CACNA2D1: variants seen among roughly 807,000 people sequenced by gnomAD.
CACNA2D1 encodes calcium voltage-gated channel auxiliary subunit alpha2delta 1.
In CACNA2D1, 53 loss-of-function variants were observed where a neutral mutation model predicts 171.5. That is an observed-to-expected ratio of 0.31 (90% CI 0.25 to 0.39). The LOEUF is 0.39. CACNA2D1 is among the 10% of genes least tolerant of loss of function. The pLI is 1.00. For synonymous variants in CACNA2D1, 442 were observed against 443.1 expected (o/e 1.00, Z 0.03); for missense variants, 903 against 1,299.8 (o/e 0.69, Z 4.69).
intron 3 of CACNA2D1, among the ~76,000 whole-genome samples, chr7:82,257,297 G>T (rs1223373933): frequency 1.3e-5 from 2 of 152,126 alleles, no homozygotes; most frequent in African/African-American, 4.8e-5. Flanking sequence ...ATACAAGACA[G>T]GATTTTGGCC....
chr7:82,171,776 A>G (rs1339086954), intron 3 of CACNA2D1, among the ~76,000 whole-genome samples: 1 of 152,132 alleles, frequency 6.6e-6, no homozygotes, highest in East Asian at 1.9e-4. Context: ...AGTAAATATA[A>G]TAAATATACT....
At chr7:82,098,048 TGGTTGCAGTGAGCCGA>T (rs1285648987) in intron 6 of CACNA2D1, among the ~76,000 whole-genome samples, 1 of 151,982 alleles carries the variant, frequency 6.6e-6, no homozygotes, top group African/African-American at 2.4e-5. Context: ...CACGAGGCAG[TGGTTGCAGTGAGCCGA>T]GGTTGCAATG....
At chr7:82,255,874 T>C (rs1194335541) in intron 3 of CACNA2D1, among the ~76,000 whole-genome samples, 1 of 152,226 alleles carries the variant, frequency 6.6e-6, no homozygotes, top group Non-Finnish European at 1.5e-5. Context: ...GTCAAGTTAG[T>C]GAAATAGTCA....
intron 3 of CACNA2D1, among the ~76,000 whole-genome samples, chr7:82,333,336 T>C (rs914353240): frequency 6.6e-6 from 1 of 152,150 alleles, no homozygotes; most frequent in African/African-American, 2.4e-5. Flanking sequence ...GCCTATGTAT[T>C]TAGTCTGTTC....
intron 6 of CACNA2D1, among the ~76,000 whole-genome samples, chr7:82,109,966 C>T (rs570775939): frequency 3.3e-5 from 5 of 152,224 alleles, no homozygotes; most frequent in East Asian, 1.9e-4. Flanking sequence ...TGAATGACGT[C>T]GTTTTTTACC....
intron 1 of CACNA2D1, among the ~76,000 whole-genome samples, chr7:82,415,760 T>C (rs988391396): frequency 3.3e-5 from 5 of 152,050 alleles, no homozygotes; most frequent in Non-Finnish European, 7.4e-5. Context: ...ATTTAATTAA[T>C]GTATATTTTC....
chr7:82,292,561 A>G (rs911188166), intron 3 of CACNA2D1, among the ~76,000 whole-genome samples: 1 of 152,156 alleles, frequency 6.6e-6, no homozygotes, highest in Non-Finnish European at 1.5e-5. Flanking sequence ...TAGTTTGGAA[A>G]TTATCATTTC....
At chr7:82,386,981 T>C (rs2129450092) in intron 1 of CACNA2D1, among the ~76,000 whole-genome samples, 1 of 152,170 alleles carries the variant, frequency 6.6e-6, no homozygotes, top group Non-Finnish European at 1.5e-5. Context: ...TCTACACACA[T>C]TCTTAATGTA....
Position 82,117,142 on chromosome 7 carries a change from T to C in CACNA2D1, c.428A>G (p.Gln143Arg). 1.9e-6 allele frequency: 3 copies of C among 1,613,904 alleles called. No homozygotes were observed. The highest frequency in any genetic ancestry group is 2.5e-6 in the Non-Finnish European group (3 of 1,179,890). The change falls in exon 6 of 39, where the codon CAG becomes CGG. Residue 143 changes from glutamine (Q) to arginine (R), a missense_variant. Gln to Arg is a conservative substitution (Grantham distance 43, BLOSUM62 1). Coordinates refer to ENST00000356860, the MANE Select transcript of CACNA2D1 (RefSeq NM_000722.4). ...PEKNDSEPGS[Q>R]RIKPVFIEDA... ...TTCAATGAAAACAGGTTTTATCCTC[T>C]GGCTGCCTGGCTCACTGTCATTTTT...
At chr7:82,134,006 G>A (rs1184083121) in intron 5 of CACNA2D1, among the ~76,000 whole-genome samples, 1 of 152,012 alleles carries the variant, frequency 6.6e-6, no homozygotes, top group Non-Finnish European at 1.5e-5. Flanking sequence ...CCAGGAGGTG[G>A]AGCTTGCAGT....
intron 4 of CACNA2D1, among the ~76,000 whole-genome samples, chr7:82,158,467 A>G (rs1794596764): frequency 1.9e-5 from 1 of 52,486 alleles, no homozygotes; most frequent in Admixed American, 2.3e-4. Context: ...GGGAAATGGA[A>G]ACCAAGTTAA....
intron 11 of CACNA2D1, among the ~76,000 whole-genome samples, chr7:82,036,887 T>C (rs1803343922): frequency 6.6e-6 from 1 of 152,168 alleles, no homozygotes. Flanking sequence ...GGCTAGTAAT[T>C]ACAGCAATAA....
chr7:82,182,547 G>A (rs1461994749), intron 3 of CACNA2D1, among the ~76,000 whole-genome samples: 2 of 150,210 alleles, frequency 1.3e-5, no homozygotes, highest in African/African-American at 4.9e-5. Context: ...AATTATTTTT[G>A]GTACTTTTTT....
intron 3 of CACNA2D1, among the ~76,000 whole-genome samples, chr7:82,252,245 ACTGCTTGATGTAATC>A (rs1805729439): frequency 6.6e-6 from 1 of 152,186 alleles, no homozygotes; most frequent in Admixed American, 6.5e-5. Context: ...CATTTTGCAA[ACTGCTTGATGTAATC>A]CTTACAACTA....
At chr7:81,981,402 G>A (rs920602280) in intron 24 of CACNA2D1, among the ~76,000 whole-genome samples, 2 of 152,148 alleles carry the variant, frequency 1.3e-5, no homozygotes, top group African/African-American at 2.4e-5. Flanking sequence ...AGCTTCTCAA[G>A]GATACGGGCA....
At chr7:81,991,502 C>A (rs2130743574) in intron 20 of CACNA2D1, among the ~76,000 whole-genome samples, 1 of 152,072 alleles carries the variant, frequency 6.6e-6, no homozygotes, top group South Asian at 2.1e-4. Flanking sequence ...ACAGTATTTC[C>A]TGAAAAACAA....
At position 81,949,751 on chromosome 7, in the gene CACNA2D1, T is replaced by A. The variant is rs1792320833; in HGVS notation, c.*641A>T. 1 of 152,232 alleles carries A rather than the reference T, an allele frequency of 6.6e-6. No individual in the cohort carries two copies. Among genetic ancestry groups the A allele is most frequent in the Non-Finnish European group, 1.5e-5 (1 of 68,086 alleles). The allele number at this position is 152,232 out of a possible 1,614,324, so 9.4% of individuals were successfully genotyped here. A position where few individuals can be genotyped will look rare whatever the true frequency, so the allele number is the denominator to read the frequency against. On this transcript the variant is annotated 3_prime_UTR_variant, in exon 39 of 39. Coordinates refer to ENST00000356860, the MANE Select transcript of CACNA2D1 (RefSeq NM_000722.4). ...TTAGTTACTATTTTCAAACCATCAA[T>A]TCATTACCCCATCAAAATTGAATTG...
intron 10 of CACNA2D1, among the ~76,000 whole-genome samples, chr7:82,044,199 T>A (rs924505333): frequency 2.0e-5 from 3 of 152,166 alleles, no homozygotes; most frequent in African/African-American, 7.2e-5. Context: ...ACATGTCTAT[T>A]AATTCGCATC....
Position 82,064,698 on chromosome 7 carries a change from G to T in CACNA2D1, c.729-344C>A, listed in dbSNP as rs541523316. Among the ~76,000 whole-genome samples the T allele has an allele frequency of 3.0e-4, 45 of 151,972 alleles. 1 individual carries two copies. The East Asian group carries it at 7.7e-3, about 26-fold the overall frequency. On this transcript the variant is annotated intron_variant, in intron 8 of 38. Coordinates refer to ENST00000356860, the MANE Select transcript of CACNA2D1 (RefSeq NM_000722.4). ...CCACAGGTTTAAAAGTCACTTTAAT[G>T]AAAAATAGACTATCATATTTTTAAA...
Sources: gnomAD v4.1 joint callset for allele counts (sites outside exome capture counted in the v4.1 genomes callset) on GRCh38, gnomAD v4.1.1 for gene constraint, MANE v1.5 for transcripts, NCBI Gene and HGNC (gene_info 2026-07-23, HGNC 2026-07-21) for gene names.